EVC2: variants seen among roughly 807,000 people sequenced by gnomAD.
The protein encoded by EVC2 is limbin.
Under a neutral mutation model 149.3 loss-of-function variants are expected in EVC2, and 148 were observed. That is an observed-to-expected ratio of 0.99 (90% CI 0.87 to 1.14). The LOEUF is 1.14. Ranked by LOEUF, EVC2 falls within the 50% of genes most tolerant of loss-of-function variation. The pLI, the probability that EVC2 is intolerant of heterozygous loss-of-function variation, is 0.00. For synonymous variants in EVC2, 776 were observed against 649.9 expected (o/e 1.19, Z -2.95); for missense variants, 1,854 against 1,627.3 (o/e 1.14, Z -2.40).
Position 5,563,127 on chromosome 4 carries a change from G to A in EVC2, c.3660-12C>T, listed in dbSNP as rs1235260067. 2 of 1,609,894 alleles carry A rather than the reference G, an allele frequency of 1.2e-6. No individual in the cohort carries two copies. Among genetic ancestry groups the A allele is most frequent in the East Asian group, 4.5e-5 (2 of 44,868 alleles). On this transcript the variant is annotated splice_polypyrimidine_tract_variant and intron_variant, in intron 21 of 21. Transcript: ENST00000344408. ...TCTTCTTTAATATGCTAAAGAAATA[G>A]CAAAAGATCAAATTCAATATTTTTG...
chr4:5,678,962 C>G lies in EVC2; in HGVS notation c.870+2298G>C, dbSNP rs536158646. 2.6e-4 allele frequency among the ~76,000 whole-genome samples: 40 copies of G among 151,170 alleles called. No homozygotes were observed. The East Asian group carries it at 7.6e-3, about 29-fold the overall frequency. On this transcript the variant is annotated intron_variant, in intron 7 of 21. Transcript: ENST00000344408. ...AGGAGAATCGCTTGAATCTGGGAGG[C>G]AGAGGTTGCAGTGAGCTGAGAACGT...
the EVC2 span, among the ~76,000 whole-genome samples, chr4:5,532,088 G>C: frequency 3.3e-5 from 5 of 152,112 alleles, no homozygotes; most frequent in Non-Finnish European, 7.4e-5. Flanking sequence ...TGAATCCACA[G>C]ATCCGGAACC....
chr4:5,646,529 G>A (rs779094145), intron 9 of EVC2, among the ~76,000 whole-genome samples: 8 of 152,020 alleles, frequency 5.3e-5, no homozygotes, highest in Non-Finnish European at 1.0e-4. Flanking sequence ...TTTTTAAGCT[G>A]AAATTCTTCA....
chr4:5,612,909 G>A (rs530236689), intron 16 of EVC2, among the ~76,000 whole-genome samples: 25 of 120,328 alleles, frequency 2.1e-4, no homozygotes, highest in African/African-American at 5.9e-4. Context: ...GTGACAGAGC[G>A]AGACTCTGTC....
chr4:5,650,646 G>T (rs978531186), intron 9 of EVC2, among the ~76,000 whole-genome samples: 386 of 119,576 alleles, frequency 3.2e-3, no homozygotes, highest in Non-Finnish European at 4.8e-3. Flanking sequence ...TATAGAGAGA[G>T]AGAGAGAGAG....
intron 16 of EVC2, among the ~76,000 whole-genome samples, chr4:5,597,444 T>C (rs1196277522): frequency 1.3e-5 from 2 of 151,946 alleles, no homozygotes; most frequent in Non-Finnish European, 2.9e-5. Context: ...ATCCAGCATA[T>C]AAACAGAACC....
At chr4:5,624,005 A>T (rs1715925994) in intron 13 of EVC2, among the ~76,000 whole-genome samples, 1 of 152,230 alleles carries the variant, frequency 6.6e-6, no homozygotes, top group African/African-American at 2.4e-5. Context: ...TTGTAATATT[A>T]TAAAGGGGGA....
At chr4:5,537,742 A>T in the EVC2 span, among the ~76,000 whole-genome samples, 4 of 152,156 alleles carry the variant, frequency 2.6e-5, no homozygotes, top group African/African-American at 9.7e-5. Context: ...AAATCAATTG[A>T]ACTCAGTCCG....
In EVC2 at chr4:5,567,290, T is replaced by TC. The variant is rs1265022396; in HGVS notation, c.3557+1153dup. Among the ~76,000 whole-genome samples the TC allele has an allele frequency of 6.6e-6, 1 of 151,444 alleles. No individual in the cohort carries two copies. Among genetic ancestry groups the TC allele is most frequent in the Non-Finnish European group, 1.5e-5 (1 of 67,934 alleles). On this transcript the variant is annotated intron_variant, in intron 20 of 21. Coordinates refer to ENST00000344408, the MANE Select transcript of EVC2 (RefSeq NM_147127.5). The surrounding 1 kb of genome is among the most constrained non-coding windows in gnomAD (Gnocchi z 4.4). ...CGCAGATGTTCCCTCTTCCCCACCC[T>TC]CCCCCTCACCCTGGTCAGACTCTAT...
At chr4:5,690,529 G>A (rs574673218) in intron 4 of EVC2, among the ~76,000 whole-genome samples, 120 of 152,012 alleles carry the variant, frequency 7.9e-4, no homozygotes, top group South Asian at 2.1e-3. Context: ...GCTAGAGAAC[G>A]AGTAACTGAG....
At chr4:5,661,827 T>C (rs372232004) in intron 9 of EVC2, among the ~76,000 whole-genome samples, 1 of 152,234 alleles carries the variant, frequency 6.6e-6, no homozygotes, top group Non-Finnish European at 1.5e-5. Flanking sequence ...TTTACTAGTA[T>C]ATGCCCTTGG....
chr4:5,534,396 T>C, the EVC2 span, among the ~76,000 whole-genome samples: 311 of 152,222 alleles, frequency 2.0e-3, no homozygotes, highest in African/African-American at 7.2e-3. Context: ...GATGGATAGA[T>C]AGATGAAAAC....
In EVC2 at chr4:5,676,084, G is replaced by A. The variant is rs77039373; in HGVS notation, c.870+5176C>T. ...ACTGTGATCTGTTCTCCTGGTGCCCGGCACAGTACCCAGCCCTTTCATGGG... is the reference window on the plus strand; with the variant it reads ...ACTGTGATCTGTTCTCCTGGTGCCCAGCACAGTACCCAGCCCTTTCATGGG... On this transcript the variant is annotated intron_variant, in intron 7 of 21. Coordinates refer to ENST00000344408, the MANE Select transcript of EVC2 (RefSeq NM_147127.5). Among the ~76,000 whole-genome samples the A allele has an allele frequency of 3.8e-3, 582 of 152,226 alleles. 1 individual carries two copies. Among genetic ancestry groups the A allele is most frequent in the African/African-American group, 0.013 (554 of 41,526 alleles).
chr4:5,595,367 C>T (rs1265813449), intron 16 of EVC2, among the ~76,000 whole-genome samples: 6 of 152,172 alleles, frequency 3.9e-5, no homozygotes, highest in South Asian at 2.1e-4. Context: ...AACAGCTGAT[C>T]GCTAGGCAGA....
chr4:5,546,138 T>C (rs1253366007), intron 21 of EVC2, among the ~76,000 whole-genome samples: 1 of 152,194 alleles, frequency 6.6e-6, no homozygotes, highest in East Asian at 1.9e-4. Flanking sequence ...AGTTCAACCA[T>C]TGTGGAAGTG....
In EVC2 at chr4:5,677,738, A is replaced by G. The variant is rs550166916; in HGVS notation, c.870+3522T>C. Among the ~76,000 whole-genome samples the G allele has an allele frequency of 3.5e-4, 53 of 152,308 alleles. No individual in the cohort carries two copies. The highest frequency in any genetic ancestry group is 1.3e-3 in the African/African-American group (52 of 41,570). ...TGACGACAATAAGCTCAATCACGGGATATTTACCTGTTGAGTGCCACCTAC... is the reference window on the plus strand; with the variant it reads ...TGACGACAATAAGCTCAATCACGGGGTATTTACCTGTTGAGTGCCACCTAC... On this transcript the variant is annotated intron_variant, in intron 7 of 21. Transcript: ENST00000344408. The surrounding 1 kb of genome is among the most constrained non-coding windows in gnomAD (Gnocchi z 4.3).
intron 9 of EVC2, among the ~76,000 whole-genome samples, chr4:5,641,685 C>T (rs1222569754): frequency 1.3e-5 from 2 of 152,128 alleles, no homozygotes; most frequent in Non-Finnish European, 2.9e-5. Context: ...GGTAAAAATA[C>T]ATCTGAAAAC....
intron 1 of EVC2, among the ~76,000 whole-genome samples, chr4:5,702,369 G>A (rs1243912482): frequency 6.6e-6 from 1 of 152,112 alleles, no homozygotes; most frequent in Non-Finnish European, 1.5e-5. Flanking sequence ...CAAGAGCAGG[G>A]GCAGGTCTTG....
intron 3 of EVC2, among the ~76,000 whole-genome samples, chr4:5,693,884 C>T (rs542743976): frequency 9.2e-5 from 14 of 152,270 alleles, no homozygotes; most frequent in African/African-American, 2.2e-4. Flanking sequence ...CTCAATTTCC[C>T]GTCTGTAAAA....
Sources: gnomAD v4.1 joint callset for allele counts (sites outside exome capture counted in the v4.1 genomes callset) on GRCh38, gnomAD v4.1.1 for gene constraint, Gnocchi (gnomAD v3.1) non-coding constraint, MANE v1.5 for transcripts, NCBI Gene and HGNC (gene_info 2026-07-23, HGNC 2026-07-21) for gene names.